The following TOX variants were observed in gnomAD, a reference collection of about 807,000 sequenced individuals.
The protein encoded by TOX is thymocyte selection-associated high mobility group box protein TOX.
Under a neutral mutation model 53.7 loss-of-function variants are expected in TOX, and 11 were observed. The ratio of observed to expected loss-of-function variants is 0.20; its 90% CI spans 0.13 to 0.34. The LOEUF (loss-of-function observed/expected upper bound fraction) is 0.34, where lower values mean the gene tolerates loss of function less well. Among genes scored for constraint, TOX ranks in the 10% least tolerant of loss-of-function variants. The pLI, the probability that TOX is intolerant of heterozygous loss-of-function variation, is 1.00. For missense variants in TOX, 570 were observed against 664.6 expected (o/e 0.86, Z 1.56); for synonymous variants, 225 against 245.3 (o/e 0.92, Z 0.77).
At chr8:58,972,240 G>A (rs1280988472) in intron 1 of TOX, among the ~76,000 whole-genome samples, 1 of 151,832 alleles carries the variant, frequency 6.6e-6, no homozygotes, top group East Asian at 1.9e-4. Flanking sequence ...TTTTTATTTG[G>A]CTAACGTTAA....
chr8:59,109,985 A>C lies in TOX; in HGVS notation c.102+8901T>G, dbSNP rs911615277. 2.0e-5 allele frequency among the ~76,000 whole-genome samples: 3 copies of C among 152,230 alleles called. No homozygotes were observed. The East Asian group carries it at 5.8e-4, about 29-fold the overall frequency. The stretch of plus-strand genomic sequence containing the variant: ...TGCTTTGGGATTTTTCTTTCTTTTC[A>C]TTTCTTTAAGTAGTTCTTAAAAGAT... On this transcript the variant is annotated intron_variant, in intron 1 of 8. Coordinates refer to ENST00000361421, the MANE Select transcript of TOX (RefSeq NM_014729.3).
chr8:59,049,940 A>G (rs1349408477), intron 1 of TOX, among the ~76,000 whole-genome samples: 1 of 152,198 alleles, frequency 6.6e-6, no homozygotes, highest in South Asian at 2.1e-4. Context: ...GAAAATTAAA[A>G]GCACAGAAGT....
chr8:59,093,871 T>C (rs946083291), intron 1 of TOX, among the ~76,000 whole-genome samples: 1 of 152,162 alleles, frequency 6.6e-6, no homozygotes, highest in Non-Finnish European at 1.5e-5. Context: ...TAAATGACAA[T>C]AACAATTTCC....
intron 3 of TOX, among the ~76,000 whole-genome samples, chr8:58,899,338 A>G (rs1371943860): frequency 6.6e-6 from 1 of 152,152 alleles, no homozygotes; most frequent in African/African-American, 2.4e-5. Flanking sequence ...TCATTTTTCA[A>G]TTTTTGGCCA....
intron 1 of TOX, among the ~76,000 whole-genome samples, chr8:58,970,801 A>G (rs976340306): frequency 6.6e-6 from 1 of 152,272 alleles, no homozygotes; most frequent in African/African-American, 2.4e-5. Context: ...ATCCAGGGCA[A>G]TACTGTCACA....
intron 3 of TOX, among the ~76,000 whole-genome samples, chr8:58,873,958 C>CTCTTTTTTTTTTTTTTTTTTT (rs1491588338): frequency 2.5e-5 from 1 of 40,128 alleles, no homozygotes; most frequent in African/African-American, 1.7e-4. Context: ...TGCCAGGAAG[C>CTCTTTTTTTTTTTTTTTTTTT]TTTTTTTTTT....
chr8:58,842,216 G>A (rs181000332), intron 4 of TOX, among the ~76,000 whole-genome samples: 14 of 152,214 alleles, frequency 9.2e-5, no homozygotes, highest in African/African-American at 3.4e-4. Flanking sequence ...AGACTGGGGT[G>A]AGTCAGCAGA....
chr8:58,890,899 G>A (rs1347324769), intron 3 of TOX, among the ~76,000 whole-genome samples: 1 of 152,102 alleles, frequency 6.6e-6, no homozygotes, highest in African/African-American at 2.4e-5. Flanking sequence ...TCACACTTAA[G>A]ACTGGCAGAT....
intron 1 of TOX, among the ~76,000 whole-genome samples, chr8:59,084,399 C>G (rs888888953): frequency 6.6e-6 from 1 of 152,036 alleles, no homozygotes; most frequent in African/African-American, 2.4e-5. Flanking sequence ...CTATATTAGT[C>G]AGTTTTTAAG....
chr8:58,894,317 T>C (rs1299429564), intron 3 of TOX, among the ~76,000 whole-genome samples: 2 of 152,198 alleles, frequency 1.3e-5, no homozygotes, highest in Admixed American at 6.5e-5. Flanking sequence ...CGGGAAAGGT[T>C]CTATTATCCT....
intron 1 of TOX, among the ~76,000 whole-genome samples, chr8:59,101,931 A>T (rs1273468979): frequency 6.6e-6 from 1 of 152,156 alleles, no homozygotes; most frequent in African/African-American, 2.4e-5. Flanking sequence ...CCTAACAATA[A>T]TGGGGAAGAT....
At chr8:58,964,389 C>A (rs973538457) in intron 1 of TOX, among the ~76,000 whole-genome samples, 3 of 152,024 alleles carry the variant, frequency 2.0e-5, no homozygotes, top group Non-Finnish European at 1.5e-5. Context: ...GAAGAGTAAG[C>A]CAAGATCCCA....
At chr8:58,880,234 G>A (rs1811360885) in intron 3 of TOX, among the ~76,000 whole-genome samples, 2 of 152,304 alleles carry the variant, frequency 1.3e-5, no homozygotes, top group Middle Eastern at 3.4e-3. Flanking sequence ...GGATGAGGGG[G>A]CAGTAGACAA....
At chr8:58,962,523 T>C (rs1165546905) in intron 1 of TOX, among the ~76,000 whole-genome samples, 1 of 152,196 alleles carries the variant, frequency 6.6e-6, no homozygotes, top group East Asian at 1.9e-4. Flanking sequence ...GACCCCTGGC[T>C]TTTTAGCCAC....
chr8:58,967,354 T>C (rs1812923106), intron 1 of TOX, among the ~76,000 whole-genome samples: 1 of 152,182 alleles, frequency 6.6e-6, no homozygotes, highest in Non-Finnish European at 1.5e-5. Context: ...TCTTATTTTA[T>C]AGATGACAAA....
At chr8:58,967,812 T>A (rs187313557) in intron 1 of TOX, among the ~76,000 whole-genome samples, 1 of 152,236 alleles carries the variant, frequency 6.6e-6, no homozygotes, top group East Asian at 1.9e-4. Context: ...CTGGTTTCCC[T>A]GGGCTTACAT....
intron 2 of TOX, among the ~76,000 whole-genome samples, chr8:58,959,292 T>C (rs1182600253): frequency 6.6e-6 from 1 of 152,228 alleles, no homozygotes; most frequent in Non-Finnish European, 1.5e-5. Flanking sequence ...TAAAAATAAA[T>C]AGTCAAACAT....
chr8:58,890,611 G>A (rs1811545452), intron 3 of TOX, among the ~76,000 whole-genome samples: 1 of 152,132 alleles, frequency 6.6e-6, no homozygotes, highest in African/African-American at 2.4e-5. Flanking sequence ...TAACTCCAGG[G>A]GGCTATGAGA....
At chr8:58,892,428 T>G (rs1811573866) in intron 3 of TOX, among the ~76,000 whole-genome samples, 1 of 152,182 alleles carries the variant, frequency 6.6e-6, no homozygotes, top group Non-Finnish European at 1.5e-5. Context: ...CTGTAACAGT[T>G]AAACTGAGCA....
Sources: allele counts gnomAD v4.1 joint callset (sites outside exome capture counted in the v4.1 genomes callset), GRCh38; gene constraint gnomAD v4.1.1; transcripts MANE v1.5; gene names NCBI Gene and HGNC (gene_info 2026-07-23, HGNC 2026-07-21).